ETV6: variants seen among roughly 807,000 people sequenced by gnomAD.
The protein encoded by ETV6 is ETS variant transcription factor 6, also known as transcription factor ETV6.
A neutral mutation model predicts 51.1 loss-of-function variants in ETV6; 16 were observed. The ratio of observed to expected loss-of-function variants is 0.31; its 90% CI spans 0.21 to 0.48. The LOEUF (loss-of-function observed/expected upper bound fraction) is 0.48, where lower values mean the gene tolerates loss of function less well. ETV6 is among the 20% of genes least tolerant of loss of function. The pLI is 0.99. For synonymous variants in ETV6, 240 were observed against 224.1 expected, an observed-to-expected ratio of 1.07 and a Z score of -0.64; for missense variants, 458 against 594.8, an observed-to-expected ratio of 0.77 and a Z score of 2.39.
At position 11,790,820 on chromosome 12, in the gene ETV6, GGC is replaced by G. The variant is rs375579683; in HGVS notation, c.163+38248_163+38249del. On this transcript the variant is annotated intron_variant, in intron 2 of 7. Coordinates refer to ENST00000396373, the MANE Select transcript of ETV6 (RefSeq NM_001987.5). ...AGCCTCCCTAGTAGCTGGGATCACA[GGC>G]GCGCGCCACCACACCCGGCTAATTT... Among the ~76,000 whole-genome samples the G allele has an allele frequency of 3.1e-4, 47 of 151,930 alleles. No homozygotes were observed. In the East Asian group the frequency reaches 6.4e-3, roughly 21 times the overall value.
chr12:11,777,176 C>T (rs1232426123), intron 2 of ETV6, among the ~76,000 whole-genome samples: 1 of 137,078 alleles, frequency 7.3e-6, no homozygotes, highest in Non-Finnish European at 1.5e-5. Context: ...GGAGGCGGAG[C>T]TTGCAGTGAG....
chr12:11,680,823 G>A (rs1028140870), intron 1 of ETV6, among the ~76,000 whole-genome samples: 1 of 152,190 alleles, frequency 6.6e-6, no homozygotes, highest in Non-Finnish European at 1.5e-5. Context: ...AGAAGGCTGA[G>A]AGTGGCTCAT....
intron 2 of ETV6, among the ~76,000 whole-genome samples, chr12:11,781,250 C>T (rs763619839): frequency 1.3e-5 from 2 of 152,208 alleles, no homozygotes; most frequent in Non-Finnish European, 2.9e-5. Context: ...ATCCACGTCA[C>T]GACTGTCTCT....
At chr12:11,846,205 T>C (rs1946461037) in intron 3 of ETV6, among the ~76,000 whole-genome samples, 1 of 145,090 alleles carries the variant, frequency 6.9e-6, no homozygotes, top group Admixed American at 6.9e-5. Flanking sequence ...AAAGTACCTC[T>C]CCCACACCAG....
intron 5 of ETV6, 80 bp from the exon 6 acceptor site, chr12:11,884,364 TG>T: frequency 6.7e-7 from 1 of 1,501,070 alleles, no homozygotes; most frequent in African/African-American, 1.4e-5. Flanking sequence ...AAGCAGTTGC[TG>T]GATTCTTTTT....
At chr12:11,733,427 A>T (rs955296078) in intron 1 of ETV6, among the ~76,000 whole-genome samples, 1 of 138,374 alleles carries the variant, frequency 7.2e-6, no homozygotes, top group East Asian at 2.2e-4. Flanking sequence ...AAAAAAAAAA[A>T]AAAAATTAAC....
At chr12:11,654,568 G>A (rs999427461) in intron 1 of ETV6, among the ~76,000 whole-genome samples, 4 of 151,250 alleles carry the variant, frequency 2.6e-5, no homozygotes, top group Non-Finnish European at 3.0e-5. Context: ...CTGAGGGCAC[G>A]GGGGTATGTG....
intron 1 of ETV6, among the ~76,000 whole-genome samples, chr12:11,733,135 G>T (rs1028228392): frequency 1.3e-5 from 2 of 152,150 alleles, no homozygotes; most frequent in East Asian, 1.9e-4. Context: ...TGGGCTGGGC[G>T]CAGTGGCTCA....
intron 1 of ETV6, among the ~76,000 whole-genome samples, chr12:11,720,782 C>G (rs956487926): frequency 6.6e-6 from 1 of 152,084 alleles, no homozygotes; most frequent in East Asian, 1.9e-4. Context: ...ACAGAGTAAA[C>G]AGCAACCTAC....
intron 1 of ETV6, among the ~76,000 whole-genome samples, chr12:11,745,925 C>A (rs1865899148): frequency 6.6e-6 from 1 of 152,182 alleles, no homozygotes; most frequent in Admixed American, 6.5e-5. Flanking sequence ...GATTGTGTCC[C>A]ATGGTTAATG....
chr12:11,882,817 T>G (rs1348284333), intron 5 of ETV6, among the ~76,000 whole-genome samples: 1 of 152,202 alleles, frequency 6.6e-6, no homozygotes, highest in Admixed American at 6.5e-5. Flanking sequence ...GCAATGCGGA[T>G]GTGTTGGCTG....
intron 3 of ETV6, among the ~76,000 whole-genome samples, chr12:11,852,017 A>C (rs1298976954): frequency 1.3e-5 from 2 of 152,256 alleles, no homozygotes; most frequent in Non-Finnish European, 2.9e-5. Flanking sequence ...CTAAAATTAG[A>C]GACAAAGACC....
intron 1 of ETV6, among the ~76,000 whole-genome samples, chr12:11,712,298 G>A (rs1227678706): frequency 6.6e-6 from 1 of 152,190 alleles, no homozygotes; most frequent in African/African-American, 2.4e-5. Flanking sequence ...CATTTCATGT[G>A]TGGTCAGATT....
intron 2 of ETV6, among the ~76,000 whole-genome samples, chr12:11,781,900 A>C (rs1330668446): frequency 6.6e-6 from 1 of 152,222 alleles, no homozygotes; most frequent in Non-Finnish European, 1.5e-5. Context: ...GACCTGTGAA[A>C]GATCCCTGTG....
At chr12:11,719,883 G>A (rs1370889883) in intron 1 of ETV6, among the ~76,000 whole-genome samples, 2 of 152,228 alleles carry the variant, frequency 1.3e-5, no homozygotes, top group African/African-American at 4.8e-5. Flanking sequence ...AAGCGGTCCT[G>A]TGGTGACGCC....
chr12:11,785,954 G>T (rs1945478079), intron 2 of ETV6, among the ~76,000 whole-genome samples: 2 of 152,098 alleles, frequency 1.3e-5, no homozygotes, highest in African/African-American at 4.8e-5. Context: ...TATGTGCTTG[G>T]CATCTAATTT....
At chr12:11,710,559 G>A (rs1301967554) in intron 1 of ETV6, among the ~76,000 whole-genome samples, 5 of 152,142 alleles carry the variant, frequency 3.3e-5, no homozygotes, top group Non-Finnish European at 2.9e-5. Context: ...ACTTTAGAGC[G>A]CTTGCTTCTG....
chr12:11,793,324 A>T (rs1945631640), intron 2 of ETV6, among the ~76,000 whole-genome samples: 1 of 152,220 alleles, frequency 6.6e-6, no homozygotes, highest in Non-Finnish European at 1.5e-5. Flanking sequence ...AAGCTTGCTC[A>T]TGAGTGGTGG....
In ETV6 at chr12:11,770,618, C is replaced by T. The variant is rs1468638663; in HGVS notation, c.163+18039C>T. ...CCTTCCTCTACTTATCTTCCAATAA[C>T]CTTAGGATTTGGAGGAAATTAAAAT... On this transcript the variant is annotated intron_variant, in intron 2 of 7. Transcript: ENST00000396373. Among the ~76,000 whole-genome samples, 4 of 152,166 alleles carry T rather than the reference C, an allele frequency of 2.6e-5. No homozygotes were observed. The East Asian group carries it at 5.8e-4, about 22-fold the overall frequency.
Sources: gnomAD v4.1 joint callset for allele counts (sites outside exome capture counted in the v4.1 genomes callset) on GRCh38, gnomAD v4.1.1 for gene constraint, MANE v1.5 for transcripts, NCBI Gene and HGNC (gene_info 2026-07-23, HGNC 2026-07-21) for gene names.